The following LTV1 variants were observed in gnomAD, a reference collection of about 807,000 sequenced individuals.
LTV1 encodes protein LTV1 homolog.
Under a neutral mutation model 59.9 loss-of-function variants are expected in LTV1, and 39 were observed. The observed-to-expected ratio is 0.65, with a 90% confidence interval of 0.50 to 0.85. The LOEUF is 0.85. LTV1 is among the 40% of genes least tolerant of loss of function. The pLI, the probability that LTV1 is intolerant of heterozygous loss-of-function variation, is 0.00. For missense variants in LTV1, 493 were observed against 549.1 expected (o/e 0.90, Z 1.02); for synonymous variants, 171 against 189.5 (o/e 0.90, Z 0.80).
chr6:143,848,395 A>G (rs1283077774), intron 3 of LTV1, among the ~76,000 whole-genome samples: 2 of 152,162 alleles, frequency 1.3e-5, no homozygotes, highest in Admixed American at 1.3e-4. Context: ...CAGCAAAATA[A>G]CATCTTTGCC....
At chr6:143,854,363 G>A (rs1777039980) in intron 4 of LTV1, among the ~76,000 whole-genome samples, 1 of 152,046 alleles carries the variant, frequency 6.6e-6, no homozygotes, top group South Asian at 2.1e-4. Flanking sequence ...AGTCTGGCTA[G>A]CAGTCTATCT....
At position 143,846,146 on chromosome 6, in the gene LTV1, G is replaced by A. The variant is rs1366108013; in HGVS notation, c.231G>A (p.Gly77=). The change falls in exon 3 of 11, where the codon GGG becomes GGA. Residue 77 remains glycine (G), a synonymous_variant. Transcript: ENST00000367576. ...TGCAGCACCTGAAGGAACCATCTGG[G>A]CCTTCAGAGCTTATTCCCTCAAGTA... ...DYLQHLKEPS[G]PSELIPSSTF... 1.9e-6 allele frequency: 3 copies of A among 1,613,886 alleles called. No individual in the cohort carries two copies. Among genetic ancestry groups the A allele is most frequent in the South Asian group, 2.2e-5 (2 of 91,086 alleles).
intron 6 of LTV1, 90 bp downstream of exon 6, chr6:143,858,097 C>T (rs1028559214): frequency 1.3e-5 from 15 of 1,180,938 alleles, no homozygotes; most frequent in Non-Finnish European, 1.7e-5. Context: ...GGTTGAAGTG[C>T]TCACCAACCA....
At chr6:143,860,958 C>T (rs1010006953) in intron 7 of LTV1, among the ~76,000 whole-genome samples, 4 of 150,424 alleles carry the variant, frequency 2.7e-5, no homozygotes, top group Non-Finnish European at 4.4e-5. Flanking sequence ...TGCAGTGGTG[C>T]GATCTCAGCT....
At chr6:143,853,922 T>A (rs969593261) in intron 4 of LTV1, among the ~76,000 whole-genome samples, 2 of 152,208 alleles carry the variant, frequency 1.3e-5, no homozygotes, top group Non-Finnish European at 2.9e-5. Context: ...CTTTTTTTGT[T>A]GTGTCTCTGC....
chr6:143,858,170 A>G (rs1427598341), intron 6 of LTV1, 163 bp downstream of exon 6: 4 of 678,112 alleles, frequency 5.9e-6, no homozygotes, highest in Non-Finnish European at 7.7e-6. Context: ...AGCATAAAGC[A>G]GAAGGGTATC....
intron 3 of LTV1, 71 bp downstream of exon 3, chr6:143,846,295 G>A (rs188493343): frequency 1.1e-4 from 162 of 1,445,538 alleles, no homozygotes; most frequent in Admixed American, 2.1e-5. Flanking sequence ...ATATCTGTTT[G>A]GGGCAAGAAA....
chr6:143,863,378 G>A lies in LTV1; in HGVS notation c.1318-39G>A. On this transcript the variant is annotated intron_variant, in intron 10 of 10. Coordinates refer to ENST00000367576, the MANE Select transcript of LTV1 (RefSeq NM_032860.5). This position sits in a 1 kb window ranked among gnomAD's most constrained non-coding sequence, Gnocchi z 4.5. ...TAAAAGCAGTCTGTATCAGTTTAAA[G>A]ATGTGAATAATACAAGTATATTCTT... 6.3e-7 allele frequency: 1 copy of A among 1,595,600 alleles called. No individual in the cohort carries two copies. The highest frequency in any genetic ancestry group is 8.6e-7 in the Non-Finnish European group (1 of 1,164,698).
rs1376153101 is a variant in LTV1, at chr6:143,846,170, T to C, written c.255T>C (p.Ser85=). ...GGCCTTCAGAGCTTATTCCCTCAAGTACCTTCAGTGCACACAACAGGAGAG... is the reference window on the plus strand; with the variant it reads ...GGCCTTCAGAGCTTATTCCCTCAAGCACCTTCAGTGCACACAACAGGAGAG... ...PSGPSELIPS[S]TFSAHNRREE... The change falls in exon 3 of 11, where the codon AGT becomes AGC. Residue 85 remains serine, a synonymous_variant. Transcript: ENST00000367576. The C allele has an allele frequency of 6.2e-7, 1 of 1,614,206 alleles. No individual in the cohort carries two copies. Among genetic ancestry groups the C allele is most frequent in the Non-Finnish European group, 8.5e-7 (1 of 1,180,026 alleles).
In LTV1 at chr6:143,857,383, G is replaced by C. The variant is rs754394197; in HGVS notation, c.478G>C (p.Glu160Gln). Residue 160 changes from glutamate (E) to glutamine (Q), a missense_variant, in exon 5 of 11, where the codon GAG (glutamate) becomes CAG (glutamine). Transcript: ENST00000367576. The surrounding 1 kb of genome is among the most constrained non-coding windows in gnomAD (Gnocchi z 5.2). ...CTTTGATGATCCAGATAATCTGCTTGAGGATGACTTTATTCTTCAGGCCAA... is the reference window on the plus strand; with the variant it reads ...CTTTGATGATCCAGATAATCTGCTTCAGGATGACTTTATTCTTCAGGCCAA... ...FDFDDPDNLL[E>Q]DDFILQANKA... 3 of 1,613,958 alleles carry C rather than the reference G, an allele frequency of 1.9e-6. No individual in the cohort carries two copies. Among genetic ancestry groups the C allele is most frequent in the Admixed American group, 3.3e-5 (2 of 59,998 alleles).
At chr6:143,847,114 C>G in intron 3 of LTV1, among the ~76,000 whole-genome samples, 1 of 152,232 alleles carries the variant, frequency 6.6e-6, no homozygotes, top group East Asian at 1.9e-4. Context: ...TGCTCGTTCA[C>G]TAAGTAGGTT....
At chr6:143,853,815 T>G (rs1470081807) in intron 4 of LTV1, among the ~76,000 whole-genome samples, 1 of 152,222 alleles carries the variant, frequency 6.6e-6, no homozygotes, top group Non-Finnish European at 1.5e-5. Flanking sequence ...TTGATTGTGG[T>G]GAATAAGCTT....
At chr6:143,859,451 G>A (rs1401802476) in intron 6 of LTV1, among the ~76,000 whole-genome samples, 2 of 152,102 alleles carry the variant, frequency 1.3e-5, no homozygotes, top group Non-Finnish European at 2.9e-5. Context: ...TTTTGCTCAC[G>A]GATACATCCA....
intron 1 of LTV1, 79 bp downstream of exon 1, chr6:143,843,559 T>C: frequency 6.3e-7 from 1 of 1,583,358 alleles, no homozygotes; most frequent in Non-Finnish European, 8.6e-7. Flanking sequence ...ATACCTTGGC[T>C]ACTGCGGCCC....
In LTV1 at chr6:143,862,076, T is replaced by A. The variant is rs528837752; in HGVS notation, c.924-28T>A. 6.2e-7 allele frequency: 1 copy of A among 1,602,568 alleles called. No individual in the cohort carries two copies. The highest frequency in any genetic ancestry group is 2.2e-5 in the East Asian group (1 of 44,732). ...AATAGGTCATTTTTCCCCCTCTTGG[T>A]CTTCACTTTTAAAAACTCGTCTAAA... is the stretch of plus-strand genomic sequence containing the variant. On this transcript the variant is annotated intron_variant, in intron 7 of 10. Transcript: ENST00000367576. The surrounding 1 kb of genome is among the most constrained non-coding windows in gnomAD (Gnocchi z 4.2).
chr6:143,860,587 C>CT (rs753362685), intron 7 of LTV1, 34 bp downstream of exon 7: 34 of 1,540,858 alleles, frequency 2.2e-5, no homozygotes, highest in South Asian at 9.1e-5. Flanking sequence ...TTTAGCTGTT[C>CT]TTTTTTTTAA....
At chr6:143,850,300 C>A (rs1227460009) in intron 4 of LTV1, 82 bp downstream of exon 4, 2 of 1,016,604 alleles carry the variant, frequency 2.0e-6, no homozygotes. Context: ...TTTTCTATCC[C>A]CAGTAAAGTA....
At chr6:143,844,736 C>G in intron 2 of LTV1, 119 bp downstream of exon 2, 1 of 1,044,468 alleles carries the variant, frequency 9.6e-7, no homozygotes, top group Non-Finnish European at 1.3e-6. Context: ...AACTCCTGGA[C>G]TTAAGCAGTC....
At position 143,862,310 on chromosome 6, in the gene LTV1, G is replaced by C; in HGVS notation, c.1063+67G>C. The C allele has an allele frequency of 7.1e-7, 1 of 1,413,728 alleles. No homozygotes were observed. Among genetic ancestry groups the C allele is most frequent in the Non-Finnish European group, 9.8e-7 (1 of 1,022,962 alleles). 87.6% of individuals were successfully genotyped at this position (1,413,728 alleles called of 1,614,324 possible). A position where few individuals can be genotyped will look rare whatever the true frequency, so the allele number is the denominator to read the frequency against. On this transcript the variant is annotated intron_variant, in intron 8 of 10. Coordinates refer to ENST00000367576, the MANE Select transcript of LTV1 (RefSeq NM_032860.5). The surrounding 1 kb of genome is among the most constrained non-coding windows in gnomAD (Gnocchi z 4.2). The stretch of plus-strand genomic sequence containing the variant: ...AGTATATCAACTTTAGGCTGGGTGC[G>C]GTGCCTCACGCCTGTAGTAATCCCA...
Sources: allele counts gnomAD v4.1 joint callset (sites outside exome capture counted in the v4.1 genomes callset), GRCh38; gene constraint gnomAD v4.1.1; non-coding constraint Gnocchi (gnomAD v3.1); transcripts MANE v1.5; gene names NCBI Gene and HGNC (gene_info 2026-07-23, HGNC 2026-07-21).